Variants in COL25A1 observed in about 807,000 individuals in gnomAD.
The protein encoded by COL25A1 is collagen type XXV alpha 1 chain.
COL25A1 carries 103 observed loss-of-function variants against 128.4 expected under a neutral mutation model. That is an observed-to-expected ratio of 0.80 (90% CI 0.68 to 0.94). COL25A1 has a LOEUF of 0.94. Ranked by LOEUF, COL25A1 falls within the 40% of genes least tolerant of loss-of-function variation. The pLI is 0.00. For missense variants in COL25A1, 745 were observed against 840.0 expected (o/e 0.89, Z 1.40); for synonymous variants, 279 against 277.2 (o/e 1.01, Z -0.06).
intron 3 of COL25A1, among the ~76,000 whole-genome samples, chr4:109,090,564 C>T (rs1202570857): frequency 6.6e-6 from 1 of 152,080 alleles, no homozygotes; most frequent in Non-Finnish European, 1.5e-5. Flanking sequence ...CTTGCAAGTG[C>T]TGAAATGTAG....
chr4:109,211,753 G>T (rs1466032604), intron 3 of COL25A1, among the ~76,000 whole-genome samples: 1 of 152,100 alleles, frequency 6.6e-6, no homozygotes, highest in East Asian at 1.9e-4. Context: ...CTGGTTGTTT[G>T]TTTAACTGTT....
intron 3 of COL25A1, among the ~76,000 whole-genome samples, chr4:109,162,244 C>G (rs1014767509): frequency 4.6e-5 from 7 of 152,020 alleles, no homozygotes; most frequent in African/African-American, 1.5e-4. Context: ...TAGAAAGAGG[C>G]ATAGGGCATT....
In COL25A1 at chr4:108,819,266, CATCCAGCCCATCCA is replaced by C; in HGVS notation, c.1895_1908del (p.Leu632ArgfsTer27). 3 of 1,610,292 alleles carry C rather than the reference CATCCAGCCCATCCA, an allele frequency of 1.9e-6. No individual in the cohort carries two copies. Among genetic ancestry groups the C allele is most frequent in the Non-Finnish European group, 2.5e-6 (3 of 1,178,762 alleles). ...AAATACTGTACCAATTGGCAAGGGGCATCCAGCCCATCCAGGCCAGGCTGGCCTGGCTCCCCTTT... is the reference window on the plus strand; with the variant it reads ...AAATACTGTACCAATTGGCAAGGGGCGGCCAGGCTGGCCTGGCTCCCCTTT... On this transcript the variant is annotated frameshift_variant, in exon 36 of 38. Transcript: ENST00000399132. LOFTEE classifies it high-confidence loss of function.
intron 5 of COL25A1, among the ~76,000 whole-genome samples, chr4:109,039,740 A>G (rs1273287492): frequency 1.3e-5 from 2 of 152,222 alleles, no homozygotes; most frequent in African/African-American, 4.8e-5. Flanking sequence ...GTATGTATTA[A>G]GCACTCAATA....
intron 6 of COL25A1, among the ~76,000 whole-genome samples, chr4:108,995,784 A>G (rs1754713644): frequency 6.6e-6 from 1 of 152,224 alleles, no homozygotes; most frequent in Admixed American, 6.5e-5. Context: ...CAGAAACCCT[A>G]TAAGCCAGAA....
chr4:109,250,057 T>C (rs1355273962), intron 3 of COL25A1, among the ~76,000 whole-genome samples: 1 of 152,110 alleles, frequency 6.6e-6, no homozygotes, highest in Non-Finnish European at 1.5e-5. Flanking sequence ...GTATGTTATG[T>C]AGAAAGAGTA....
At chr4:109,178,529 A>C (rs970253800) in intron 3 of COL25A1, among the ~76,000 whole-genome samples, 3 of 152,122 alleles carry the variant, frequency 2.0e-5, no homozygotes, top group Admixed American at 1.3e-4. Flanking sequence ...TTTCTCATCT[A>C]AAAAATGGAT....
chr4:109,187,323 T>G (rs1775234675), intron 3 of COL25A1, among the ~76,000 whole-genome samples: 1 of 152,156 alleles, frequency 6.6e-6, no homozygotes, highest in South Asian at 2.1e-4. Context: ...ATTAAGCATT[T>G]TAAGATGGAT....
At chr4:109,009,507 A>G (rs1399918268) in intron 6 of COL25A1, among the ~76,000 whole-genome samples, 1 of 152,218 alleles carries the variant, frequency 6.6e-6, no homozygotes, top group African/African-American at 2.4e-5. Flanking sequence ...ACAATAGATA[A>G]TTCATGATAT....
At chr4:108,826,420 C>A (rs1294519670) in intron 33 of COL25A1, among the ~76,000 whole-genome samples, 1 of 152,104 alleles carries the variant, frequency 6.6e-6, no homozygotes, top group Non-Finnish European at 1.5e-5. Flanking sequence ...CATCTGTAAT[C>A]CCAGCTACTT....
intron 3 of COL25A1, among the ~76,000 whole-genome samples, chr4:109,279,168 C>G (rs979141879): frequency 2.6e-5 from 4 of 152,050 alleles, no homozygotes; most frequent in African/African-American, 9.7e-5. Flanking sequence ...TCAGTTTATC[C>G]TCCAATTTGT....
chr4:108,944,966 GGGACATGT>G (rs2125934685), intron 8 of COL25A1, among the ~76,000 whole-genome samples: 1 of 152,196 alleles, frequency 6.6e-6, no homozygotes, highest in Non-Finnish European at 1.5e-5. Flanking sequence ...AAGTAAAAAG[GGGACATGT>G]GGACAGAGTT....
chr4:109,020,640 T>C (rs1757647198), intron 5 of COL25A1, among the ~76,000 whole-genome samples: 2 of 152,184 alleles, frequency 1.3e-5, no homozygotes, highest in African/African-American at 4.8e-5. Flanking sequence ...AGTTGTCACA[T>C]TAATTTTAAA....
At chr4:109,112,157 T>C (rs1017187128) in intron 3 of COL25A1, among the ~76,000 whole-genome samples, 2 of 152,268 alleles carry the variant, frequency 1.3e-5, no homozygotes, top group African/African-American at 4.8e-5. Flanking sequence ...TAAATTCCCC[T>C]GCTATATGTT....
chr4:109,260,403 T>C (rs1000884448), intron 3 of COL25A1, among the ~76,000 whole-genome samples: 1 of 152,178 alleles, frequency 6.6e-6, no homozygotes, highest in African/African-American at 2.4e-5. Context: ...CTCATACAAA[T>C]AACTATTATT....
intron 10 of COL25A1, among the ~76,000 whole-genome samples, chr4:108,938,268 A>G (rs1747674364): frequency 6.6e-6 from 1 of 152,176 alleles, no homozygotes; most frequent in Non-Finnish European, 1.5e-5. Context: ...ATATCATGAC[A>G]TTATCATTTT....
At chr4:109,063,374 G>A (rs555153793) in intron 3 of COL25A1, among the ~76,000 whole-genome samples, 3 of 152,028 alleles carry the variant, frequency 2.0e-5, no homozygotes, top group Non-Finnish European at 4.4e-5. Context: ...TTGGTAGCAC[G>A]TGCCTGTAAT....
chr4:109,266,022 G>A (rs142853242), intron 3 of COL25A1, among the ~76,000 whole-genome samples: 1 of 151,720 alleles, frequency 6.6e-6, no homozygotes, highest in Non-Finnish European at 1.5e-5. Flanking sequence ...CTGTGTTAAA[G>A]TTTTTTTTAA....
At chr4:109,022,741 A>G (rs552482803) in intron 5 of COL25A1, among the ~76,000 whole-genome samples, 2 of 152,180 alleles carry the variant, frequency 1.3e-5, no homozygotes, top group Non-Finnish European at 2.9e-5. Context: ...ACAAATATTT[A>G]AAGTCAATGA....
Sources: allele counts gnomAD v4.1 joint callset (sites outside exome capture counted in the v4.1 genomes callset), GRCh38; gene constraint gnomAD v4.1.1; transcripts MANE v1.5; gene names NCBI Gene and HGNC (gene_info 2026-07-23, HGNC 2026-07-21).